WNT7B: variants seen among roughly 807,000 people sequenced by gnomAD.
WNT7B encodes the protein protein Wnt-7b.
A neutral mutation model predicts 38.2 loss-of-function variants in WNT7B; 19 were observed. That is an observed-to-expected ratio of 0.50 (90% CI 0.35 to 0.73). The LOEUF (loss-of-function observed/expected upper bound fraction) is 0.73, where lower values mean the gene tolerates loss of function less well. WNT7B is among the 30% of genes least tolerant of loss of function. The pLI is 0.01. For missense variants in WNT7B, 423 were observed against 507.9 expected, an observed-to-expected ratio of 0.83 and a Z score of 1.61; for synonymous variants, 243 against 209.3, an observed-to-expected ratio of 1.16 and a Z score of -1.39.
At chr22:45,927,585 TGAGAGTGTCCATA>T in intron 3 of WNT7B, 1 of 1,050,250 alleles carries the variant, frequency 9.5e-7, no homozygotes, top group South Asian at 1.4e-5. Flanking sequence ...CTAAATCCAA[TGAGAGTGTCCATA>T]TAAGAGATGG....
At chr22:45,964,739 C>CAA (rs1278425293) in intron 1 of WNT7B, among the ~76,000 whole-genome samples, 1 of 152,144 alleles carries the variant, frequency 6.6e-6, no homozygotes, top group African/African-American at 2.4e-5. Context: ...CACAAGTGGC[C>CAA]ATCAGACTGA....
Position 45,975,337 on chromosome 22 carries a change from C to G in WNT7B, c.71+1347G>C, listed in dbSNP as rs1932527977. Reference sequence around the variant, plus strand: ...CAGCCTGCCCACTCCACCCCCCGCCCAGCAGGCTCAATGCCCCGCACCCCT... The same window carrying G: ...CAGCCTGCCCACTCCACCCCCCGCCGAGCAGGCTCAATGCCCCGCACCCCT... On this transcript the variant is annotated intron_variant, in intron 1 of 3. Coordinates refer to ENST00000339464, the MANE Select transcript of WNT7B (RefSeq NM_058238.3). The surrounding 1 kb of genome is among the most constrained non-coding windows in gnomAD (Gnocchi z 6.6). 6.6e-6 allele frequency among the ~76,000 whole-genome samples: 1 copy of G among 152,146 alleles called. No individual in the cohort carries two copies. The highest frequency in any genetic ancestry group is 1.5e-5 in the Non-Finnish European group (1 of 68,018).
intron 1 of WNT7B, among the ~76,000 whole-genome samples, chr22:45,973,224 G>T (rs780772021): frequency 6.6e-6 from 1 of 152,234 alleles, no homozygotes; most frequent in Admixed American, 6.5e-5. Flanking sequence ...CTACAAAGAC[G>T]TTCTCCCTCC....
intron 2 of WNT7B, among the ~76,000 whole-genome samples, chr22:45,932,139 G>A (rs1290249227): frequency 6.6e-6 from 1 of 152,158 alleles, no homozygotes; most frequent in Non-Finnish European, 1.5e-5. Flanking sequence ...AGTCTGGCCA[G>A]GTCCCTCGCT....
At chr22:45,929,278 G>A (rs1000975696) in intron 3 of WNT7B, among the ~76,000 whole-genome samples, 1 of 152,136 alleles carries the variant, frequency 6.6e-6, no homozygotes, top group Non-Finnish European at 1.5e-5. Flanking sequence ...ACTGTGATCT[G>A]CCTGTACCTG....
chr22:45,950,265 AG>A, intron 1 of WNT7B, 119 bp from the exon 2 acceptor site: 1 of 852,000 alleles, frequency 1.2e-6, no homozygotes, highest in Non-Finnish European at 1.9e-6. Flanking sequence ...TCCGCCCACC[AG>A]GGCACAAGCA....
At chr22:45,961,963 C>T (rs1470898799) in intron 1 of WNT7B, among the ~76,000 whole-genome samples, 14 of 152,214 alleles carry the variant, frequency 9.2e-5, no homozygotes, top group Non-Finnish European at 1.3e-4. Flanking sequence ...TCCCGCCTGC[C>T]ACTCTTTCCA....
In WNT7B at chr22:45,951,218, A is replaced by G. The variant is rs572485661; in HGVS notation, c.72-1072T>C. On this transcript the variant is annotated intron_variant, in intron 1 of 3. Coordinates refer to ENST00000339464, the MANE Select transcript of WNT7B (RefSeq NM_058238.3). This position sits in a 1 kb window ranked among gnomAD's most constrained non-coding sequence, Gnocchi z 4.8. ...TTAGCCTCCCGAGTAGCTGTACTAC[A>G]GTTGCCCACCACCACACCCGGCTAA... Among the ~76,000 whole-genome samples the G allele has an allele frequency of 2.6e-5, 4 of 152,098 alleles. No individual in the cohort carries two copies. In the East Asian group the frequency reaches 7.7e-4, roughly 29 times the overall value.
chr22:45,934,285 C>A (rs1441051358), intron 2 of WNT7B, among the ~76,000 whole-genome samples: 1 of 152,086 alleles, frequency 6.6e-6, no homozygotes, highest in African/African-American at 2.4e-5. Flanking sequence ...GCTAAGGTGA[C>A]CTGGGGCAGG....
chr22:45,976,622 G>A lies in WNT7B; in HGVS notation c.71+62C>T. The A allele has an allele frequency of 1.3e-6, 2 of 1,556,378 alleles. No homozygotes were observed. The highest frequency in any genetic ancestry group is 2.7e-5 in the African/African-American group (2 of 73,110). On this transcript the variant is annotated intron_variant, in intron 1 of 3. Transcript: ENST00000339464. The surrounding 1 kb of genome is among the most constrained non-coding windows in gnomAD (Gnocchi z 8.5). ...CCCCACGTCCCCACGGGGACGCCCC[G>A]GAGGCAGCTCCTTCGTGCTGTCTTG...
chr22:45,958,712 C>T (rs1394218500), intron 1 of WNT7B, among the ~76,000 whole-genome samples: 3 of 152,180 alleles, frequency 2.0e-5, no homozygotes, highest in Admixed American at 6.5e-5. Context: ...CCCACTGTCC[C>T]GGGGCTGGCC....
chr22:45,923,847 C>T (rs989820243), intron 3 of WNT7B, among the ~76,000 whole-genome samples: 7 of 152,158 alleles, frequency 4.6e-5, no homozygotes, highest in Non-Finnish European at 7.4e-5. Flanking sequence ...CCTGGTGTGC[C>T]GGTGGCCCTC....
chr22:45,932,606 C>A (rs28473261), intron 2 of WNT7B, among the ~76,000 whole-genome samples: 1 of 152,144 alleles, frequency 6.6e-6, no homozygotes, highest in African/African-American at 2.4e-5. Context: ...CCTGTGCATC[C>A]TTCCATCCTG....
rs995638090 is a variant in WNT7B at position 45,951,923 on chromosome 22, C to T, written c.72-1777G>A. Among the ~76,000 whole-genome samples the T allele has an allele frequency of 5.9e-5, 9 of 152,208 alleles. No individual in the cohort carries two copies. Among genetic ancestry groups the T allele is most frequent in the South Asian group, 2.1e-4 (1 of 4,828 alleles). ...GAGTTGCTGGGTCAGGTGGTCCCTT[C>T]GCTTTCTGAGGACTTGCCGGACTGC... On this transcript the variant is annotated intron_variant, in intron 1 of 3. Coordinates refer to ENST00000339464, the MANE Select transcript of WNT7B (RefSeq NM_058238.3). This position sits in a 1 kb window ranked among gnomAD's most constrained non-coding sequence, Gnocchi z 4.8.
At chr22:45,953,923 C>A (rs1264725963) in intron 1 of WNT7B, among the ~76,000 whole-genome samples, 1 of 152,130 alleles carries the variant, frequency 6.6e-6, no homozygotes, top group Non-Finnish European at 1.5e-5. Context: ...TTCAAATGAA[C>A]CGAAGACAGG....
At chr22:45,937,579 G>A (rs980046035) in intron 2 of WNT7B, among the ~76,000 whole-genome samples, 25 of 148,160 alleles carry the variant, frequency 1.7e-4, no homozygotes, top group African/African-American at 5.3e-4. Flanking sequence ...ACCTCAGCAC[G>A]TGTCCCTGGC....
In WNT7B at chr22:45,965,125, A is replaced by C. The variant is rs1601740667; in HGVS notation, c.71+11559T>G. On this transcript the variant is annotated intron_variant, in intron 1 of 3. Transcript: ENST00000339464. The surrounding 1 kb of genome is among the most constrained non-coding windows in gnomAD (Gnocchi z 6.5). The stretch of plus-strand genomic sequence containing the variant: ...GCCCTACTCAAACCTGCTGCTCCCC[A>C]CTCCTGATGCTGCCACATCCTCTTC... Among the ~76,000 whole-genome samples the C allele has an allele frequency of 6.4e-5, 8 of 125,950 alleles. No individual in the cohort carries two copies. Among genetic ancestry groups the C allele is most frequent in the Admixed American group, 1.6e-4 (2 of 12,346 alleles). 82.6% of individuals were successfully genotyped at this position (125,950 alleles called of 152,430 possible). A position where few individuals can be genotyped will look rare whatever the true frequency, so the allele number is the denominator to read the frequency against.
At chr22:45,954,687 G>A (rs1932020104) in intron 1 of WNT7B, 2 of 985,240 alleles carry the variant, frequency 2.0e-6, no homozygotes, top group Admixed American at 1.2e-4. Flanking sequence ...TTTGTGCCAG[G>A]AGTATAAATA....
intron 3 of WNT7B, among the ~76,000 whole-genome samples, chr22:45,924,661 G>T (rs113133040): frequency 0.018 from 2,729 of 152,222 alleles, 33 homozygotes; most frequent in Non-Finnish European, 0.026. Flanking sequence ...TGCCAGGTGG[G>T]CCCTAGGCTG....
Sources: allele counts gnomAD v4.1 joint callset (sites outside exome capture counted in the v4.1 genomes callset), GRCh38; gene constraint gnomAD v4.1.1; non-coding constraint Gnocchi (gnomAD v3.1); transcripts MANE v1.5; gene names NCBI Gene and HGNC (gene_info 2026-07-23, HGNC 2026-07-21).